Variants in TRAPPC12 observed in about 807,000 individuals in gnomAD.
TRAPPC12 encodes the protein TPR repeat protein 15.
A neutral mutation model predicts 69.2 loss-of-function variants in TRAPPC12; 61 were observed. The ratio of observed to expected loss-of-function variants is 0.88; its 90% CI spans 0.72 to 1.09. The LOEUF is 1.09. TRAPPC12 is among the 50% of genes least tolerant of loss of function. The pLI, the probability that TRAPPC12 is intolerant of heterozygous loss-of-function variation, is 0.00. For synonymous variants in TRAPPC12, 469 were observed against 438.9 expected, an observed-to-expected ratio of 1.07 and a Z score of -0.86; for missense variants, 1,101 against 1,016.4, an observed-to-expected ratio of 1.08 and a Z score of -1.13.
intron 6 of TRAPPC12, among the ~76,000 whole-genome samples, chr2:3,446,373 A>G (rs1291396400): frequency 1.3e-5 from 2 of 152,150 alleles, no homozygotes; most frequent in African/African-American, 4.8e-5. Flanking sequence ...TCAATATGTA[A>G]TTACTATGTG....
intron 3 of TRAPPC12, among the ~76,000 whole-genome samples, chr2:3,402,991 A>G (rs1661532510): frequency 6.6e-6 from 1 of 152,160 alleles, no homozygotes; most frequent in South Asian, 2.1e-4. Flanking sequence ...GATTTTGGGA[A>G]TAAGTCCCAC....
chr2:3,464,239 GGCA>G (rs2103150401), intron 8 of TRAPPC12, among the ~76,000 whole-genome samples: 2 of 152,336 alleles, frequency 1.3e-5, no homozygotes, highest in South Asian at 4.1e-4. Context: ...AGCAGAGACA[GGCA>G]GCAGGAAGGC....
chr2:3,386,111 TTAAAA>T (rs1466643773), intron 1 of TRAPPC12, among the ~76,000 whole-genome samples: 4 of 152,240 alleles, frequency 2.6e-5, no homozygotes, highest in Non-Finnish European at 4.4e-5. Context: ...ATTATGTACT[TTAAAA>T]TAATGTTTTG....
chr2:3,472,946 G>A (rs1216290811), intron 9 of TRAPPC12, among the ~76,000 whole-genome samples: 1 of 152,160 alleles, frequency 6.6e-6, no homozygotes, highest in Non-Finnish European at 1.5e-5. Flanking sequence ...TGATAGGATC[G>A]TTGCTGACAG....
At position 3,388,117 on chromosome 2, in the gene TRAPPC12, A is replaced by G; in HGVS notation, c.494A>G (p.Gln165Arg). Residue 165 changes from glutamine to arginine, a missense_variant, in exon 2 of 12, where the codon CAG becomes CGG. Transcript: ENST00000324266. ...GTCCCGGTGTGCACCATCTTCAGCC[A>G]GCGCGCGCCCCCAGCCTCCGGGGAC... is the stretch of plus-strand genomic sequence containing the variant. ...EPVPVCTIFS[Q>R]RAPPASGDGF... 6.4e-7 allele frequency: 1 copy of G among 1,574,728 alleles called. No individual in the cohort carries two copies. The highest frequency in any genetic ancestry group is 1.8e-5 in the Admixed American group (1 of 55,370).
intron 9 of TRAPPC12, chr2:3,466,498 G>A: frequency 2.4e-6 from 1 of 421,884 alleles, no homozygotes; most frequent in Non-Finnish European, 5.0e-6. Flanking sequence ...AGCTACAGGA[G>A]GCCACATAGA....
At chr2:3,473,785 G>A (rs1292041272) in intron 9 of TRAPPC12, among the ~76,000 whole-genome samples, 1 of 152,234 alleles carries the variant, frequency 6.6e-6, no homozygotes, top group Non-Finnish European at 1.5e-5. Context: ...TGAGTTTTCT[G>A]TATCAATTGC....
chr2:3,392,199 G>A (rs1218942939), intron 2 of TRAPPC12, among the ~76,000 whole-genome samples: 2 of 152,100 alleles, frequency 1.3e-5, no homozygotes, highest in African/African-American at 2.4e-5. Flanking sequence ...AAGCTTAAAG[G>A]TCTCTGGTCC....
At chr2:3,461,715 C>T (rs576042112) in intron 8 of TRAPPC12, among the ~76,000 whole-genome samples, 3 of 152,304 alleles carry the variant, frequency 2.0e-5, no homozygotes, top group Non-Finnish European at 4.4e-5. Context: ...TGTTCTGGTC[C>T]TCACCCTCCT....
At chr2:3,454,240 C>T (rs1665009605) in intron 6 of TRAPPC12, among the ~76,000 whole-genome samples, 2 of 152,132 alleles carry the variant, frequency 1.3e-5, no homozygotes, top group African/African-American at 4.8e-5. Context: ...TCTCCGTGTC[C>T]TACCTGTGTG....
At chr2:3,409,058 C>G (rs1326601452) in intron 3 of TRAPPC12, among the ~76,000 whole-genome samples, 1 of 152,232 alleles carries the variant, frequency 6.6e-6, no homozygotes, top group African/African-American at 2.4e-5. Context: ...GCTGCCACAG[C>G]TGTCTTGCAG....
At chr2:3,415,016 G>C (rs1363628591) in intron 3 of TRAPPC12, among the ~76,000 whole-genome samples, 1 of 152,128 alleles carries the variant, frequency 6.6e-6, no homozygotes, top group African/African-American at 2.4e-5. Flanking sequence ...GACCAACCAA[G>C]GACTTGAGCA....
At chr2:3,390,939 A>G (rs1660791186) in intron 2 of TRAPPC12, among the ~76,000 whole-genome samples, 1 of 152,188 alleles carries the variant, frequency 6.6e-6, no homozygotes, top group Non-Finnish European at 1.5e-5. Flanking sequence ...GAATAATAAT[A>G]TAAATAAATT....
chr2:3,479,464 G>C lies in TRAPPC12; in HGVS notation c.*3G>C, dbSNP rs750838991. The C allele has an allele frequency of 2.5e-5, 41 of 1,613,658 alleles. No individual in the cohort carries two copies. The East Asian group carries it at 8.7e-4, about 34-fold the overall frequency. On this transcript the variant is annotated 3_prime_UTR_variant, in exon 12 of 12. Coordinates refer to ENST00000324266, the MANE Select transcript of TRAPPC12 (RefSeq NM_016030.6). ...CACAGTGCCTCAAGCTGGCCTAGCT[G>C]CCTCCAACACACTACGTCAGAAGGA...
chr2:3,409,114 G>A (rs1173057805), intron 3 of TRAPPC12, among the ~76,000 whole-genome samples: 1 of 152,152 alleles, frequency 6.6e-6, no homozygotes, highest in African/African-American at 2.4e-5. Context: ...ACTGTCCCTT[G>A]CTCACAACTT....
chr2:3,395,817 C>T (rs1572092975), intron 2 of TRAPPC12, among the ~76,000 whole-genome samples: 1 of 151,704 alleles, frequency 6.6e-6, no homozygotes, highest in East Asian at 1.9e-4. Flanking sequence ...CCAACCTCCA[C>T]CTCCCAGGCT....
chr2:3,412,083 C>G (rs1200033680), intron 3 of TRAPPC12, among the ~76,000 whole-genome samples: 1 of 152,148 alleles, frequency 6.6e-6, no homozygotes, highest in Non-Finnish European at 1.5e-5. Context: ...GTACTGTCTT[C>G]TTGTAGTGCT....
chr2:3,389,904 T>G, intron 2 of TRAPPC12: 1 of 422,770 alleles, frequency 2.4e-6, no homozygotes, highest in South Asian at 1.7e-5. Flanking sequence ...GGGGCTTTTT[T>G]GGGCTCAGAA....
Position 3,479,558 on chromosome 2 carries a change from C to G in TRAPPC12, c.*97C>G. On this transcript the variant is annotated 3_prime_UTR_variant, in exon 12 of 12. Transcript: ENST00000324266. ...GACATGGAGGAACTCAATAAAACTC[C>G]TGCTTCACTGGTGTCTGCTGCGTGT... The G allele has an allele frequency of 6.9e-6, 10 of 1,453,672 alleles. No individual in the cohort carries two copies. Among genetic ancestry groups the G allele is most frequent in the Non-Finnish European group, 9.4e-6 (10 of 1,067,430 alleles). 90.0% of individuals were successfully genotyped at this position (1,453,672 alleles called of 1,614,324 possible).
Sources: gnomAD v4.1 joint callset for allele counts (sites outside exome capture counted in the v4.1 genomes callset) on GRCh38, gnomAD v4.1.1 for gene constraint, MANE v1.5 for transcripts, NCBI Gene and HGNC (gene_info 2026-07-23, HGNC 2026-07-21) for gene names.